Variants in ANKRD30B observed in about 807,000 individuals in gnomAD.
The protein encoded by ANKRD30B is ankyrin repeat domain-containing protein 30B.
A neutral mutation model predicts 202.2 loss-of-function variants in ANKRD30B; 144 were observed. The ratio of observed to expected loss-of-function variants is 0.71; its 90% confidence interval spans 0.62 to 0.82. The LOEUF (loss-of-function observed/expected upper bound fraction) is 0.82, where lower values mean the gene tolerates loss of function less well. Among genes scored for constraint, ANKRD30B ranks in the 40% least tolerant of loss-of-function variants. The pLI is 0.00. For missense variants in ANKRD30B, 1,487 were observed against 1,669.1 expected, an observed-to-expected ratio of 0.89 and a Z score of 1.90; for synonymous variants, 508 against 561.3, an observed-to-expected ratio of 0.91 and a Z score of 1.34.
At chr18:14,829,461 G>A (rs1598690321) in intron 33 of ANKRD30B, among the ~76,000 whole-genome samples, 2 of 152,158 alleles carry the variant, frequency 1.3e-5, no homozygotes, top group South Asian at 4.1e-4. Flanking sequence ...AATGGAATTA[G>A]CTGGAAAACC....
chr18:14,810,511 A>G (rs1288536753), intron 28 of ANKRD30B, among the ~76,000 whole-genome samples: 5 of 151,154 alleles, frequency 3.3e-5, no homozygotes, highest in Non-Finnish European at 5.9e-5. Flanking sequence ...TCAAATGCTG[A>G]CTGGAATTCT....
At chr18:14,838,945 A>G (rs998823581) in intron 36 of ANKRD30B, among the ~76,000 whole-genome samples, 1 of 152,266 alleles carries the variant, frequency 6.6e-6, no homozygotes, top group African/African-American at 2.4e-5. Flanking sequence ...TGTTAGCACA[A>G]GAATGGGGAG....
chr18:14,875,998 C>A, the ANKRD30B span, among the ~76,000 whole-genome samples: 1 of 152,060 alleles, frequency 6.6e-6, no homozygotes, highest in Non-Finnish European at 1.5e-5. Context: ...GGTGGTCTTG[C>A]CTGAAACTAA....
intron 16 of ANKRD30B, among the ~76,000 whole-genome samples, chr18:14,795,853 AT>A (rs60666067): frequency 0.02 from 2,718 of 139,084 alleles, 54 homozygotes; most frequent in African/African-American, 0.055. Flanking sequence ...CCTAGGACTT[AT>A]TTTTTTTTTT....
chr18:14,808,530 T>C (rs1334578400), intron 24 of ANKRD30B, 21 bp from the exon 25 acceptor site: 2 of 1,424,558 alleles, frequency 1.4e-6, no homozygotes, highest in Non-Finnish European at 2.0e-6. Flanking sequence ...TAATCAATTA[T>C]ATATGTCCCT....
In ANKRD30B at chr18:14,845,076, G is replaced by A. The variant is rs190534719; in HGVS notation, c.3181+1980G>A. ...CTCTGATGGTAGTTTCTTTTGCTGT[G>A]CTGAAGCTCTTTAGTTTAATTAGGT... On this transcript the variant is annotated intron_variant, in intron 39 of 43. Transcript: ENST00000690538. Among the ~76,000 whole-genome samples the A allele has an allele frequency of 4.9e-4, 75 of 151,996 alleles. 1 individual carries two copies. Among genetic ancestry groups the A allele is most frequent in the South Asian group, 6.2e-4 (3 of 4,824 alleles).
chr18:14,798,694 T>C (rs1446481739), intron 20 of ANKRD30B, among the ~76,000 whole-genome samples: 1 of 152,044 alleles, frequency 6.6e-6, no homozygotes, highest in Non-Finnish European at 1.5e-5. Flanking sequence ...AGCATTCCAT[T>C]CCCAGAGCTA....
At chr18:14,754,550 A>G (rs1405904123) in intron 3 of ANKRD30B, among the ~76,000 whole-genome samples, 2 of 152,168 alleles carry the variant, frequency 1.3e-5, no homozygotes, top group Non-Finnish European at 2.9e-5. Context: ...CATTTAGTCA[A>G]AAACAAAGTA....
chr18:14,885,201 G>C, the ANKRD30B span, among the ~76,000 whole-genome samples: 1 of 151,980 alleles, frequency 6.6e-6, no homozygotes, highest in Non-Finnish European at 1.5e-5. Flanking sequence ...TCACTCCTAT[G>C]CATGGTGAAT....
At chr18:14,843,553 C>CTGTGTGTGTG (rs56044501) in intron 39 of ANKRD30B, among the ~76,000 whole-genome samples, 16,854 of 145,084 alleles carry the variant, frequency 0.12, 1,133 homozygotes, top group Non-Finnish European at 0.15. Context: ...AGCTTACTTT[C>CTGTGTGTGTG]TGTGTGTGTG....
chr18:14,749,980 A>G (rs1270528911), intron 1 of ANKRD30B, among the ~76,000 whole-genome samples: 4 of 152,056 alleles, frequency 2.6e-5, no homozygotes, highest in Non-Finnish European at 5.9e-5. Context: ...AATTTTTAAT[A>G]TACAAAAAGA....
At chr18:14,859,946 A>C in the ANKRD30B span, among the ~76,000 whole-genome samples, 1 of 103,530 alleles carries the variant, frequency 9.7e-6, no homozygotes, top group Non-Finnish European at 1.9e-5. Flanking sequence ...GGAGGGAGGC[A>C]CTCCTCACCT....
chr18:14,882,026 C>T, the ANKRD30B span, among the ~76,000 whole-genome samples: 13 of 152,072 alleles, frequency 8.5e-5, no homozygotes, highest in Non-Finnish European at 1.5e-4. Context: ...AATGGTCTAT[C>T]GATTTTATTT....
the ANKRD30B span, among the ~76,000 whole-genome samples, chr18:14,884,489 T>G: frequency 1.3e-5 from 2 of 151,912 alleles, no homozygotes; most frequent in African/African-American, 4.8e-5. Flanking sequence ...CAGCAATAGA[T>G]AACTACCACA....
At chr18:14,922,552 G>C in the ANKRD30B span, among the ~76,000 whole-genome samples, 2 of 151,954 alleles carry the variant, frequency 1.3e-5, no homozygotes, top group African/African-American at 4.8e-5. Flanking sequence ...CTACTCAGGA[G>C]GCTGAGGCAG....
At chr18:14,894,059 C>T in the ANKRD30B span, among the ~76,000 whole-genome samples, 1 of 152,076 alleles carries the variant, frequency 6.6e-6, no homozygotes, top group East Asian at 1.9e-4. Context: ...GCAATATTGT[C>T]AACAATAGCA....
At chr18:14,764,493 A>C (rs574214302) in intron 7 of ANKRD30B, among the ~76,000 whole-genome samples, 2 of 152,116 alleles carry the variant, frequency 1.3e-5, no homozygotes, top group Non-Finnish European at 2.9e-5. Flanking sequence ...TCCTGGGTTC[A>C]TGCAATTCTC....
chr18:14,935,524 CAG>C, the ANKRD30B span, among the ~76,000 whole-genome samples: 1 of 152,216 alleles, frequency 6.6e-6, no homozygotes. Flanking sequence ...CCACCACTGA[CAG>C]GGGCAGAGGC....
the ANKRD30B span, among the ~76,000 whole-genome samples, chr18:14,909,057 T>C: frequency 6.6e-6 from 1 of 152,184 alleles, no homozygotes; most frequent in Non-Finnish European, 1.5e-5. Context: ...CTTTGTCGTC[T>C]GATGGGACTT....
Sources: allele counts gnomAD v4.1 joint callset (sites outside exome capture counted in the v4.1 genomes callset), GRCh38; gene constraint gnomAD v4.1.1; transcripts MANE v1.5; gene names NCBI Gene and HGNC (gene_info 2026-07-23, HGNC 2026-07-21).